The following PHC3 variants were observed in gnomAD, a reference collection of about 807,000 sequenced individuals.
The protein encoded by PHC3 is polyhomeotic-like protein 3.
Under a neutral mutation model 107.4 loss-of-function variants are expected in PHC3, and 13 were observed. The observed-to-expected ratio is 0.12, with a 90% CI of 0.08 to 0.19. PHC3 has a LOEUF of 0.19. Among genes scored for constraint, PHC3 ranks in the 10% least tolerant of loss-of-function variants. The probability of loss-of-function intolerance (pLI) is 1.00; values close to 1 mark genes in which losing one functional copy is unlikely to be tolerated. For synonymous variants in PHC3, 456 were observed against 427.4 expected (o/e 1.07, Z -0.83); for missense variants, 992 against 1,210.9 (o/e 0.82, Z 2.68).
chr3:170,174,301 T>C (rs1486697159), intron 2 of PHC3, among the ~76,000 whole-genome samples: 1 of 152,174 alleles, frequency 6.6e-6, no homozygotes. Context: ...AAATACCTTG[T>C]TTTGCTTCAA....
chr3:170,169,922 C>T (rs997547131), intron 4 of PHC3: 13 of 152,156 alleles, frequency 8.5e-5, no homozygotes, highest in Admixed American at 4.6e-4. Context: ...ATGACAAAAA[C>T]TCCAGTATTA....
chr3:170,179,050 T>A (rs1730978250), intron 1 of PHC3, 112 bp from the exon 2 acceptor site: 2 of 1,030,326 alleles, frequency 1.9e-6, no homozygotes, highest in African/African-American at 3.2e-5. Flanking sequence ...AGGAAGGCTC[T>A]CATAAAAGAC....
chr3:170,113,462 T>C lies in PHC3; in HGVS notation c.2251A>G (p.Asn751Asp). 1.2e-6 allele frequency: 2 copies of C among 1,612,924 alleles called. No homozygotes were observed. Among genetic ancestry groups the C allele is most frequent in the Non-Finnish European group, 1.7e-6 (2 of 1,179,376 alleles). Residue 751 changes from asparagine to aspartate, a missense_variant, in exon 11 of 15, where the codon AAT becomes GAT. Physicochemically the swap from Asn to Asp is conservative, Grantham distance 23. Coordinates refer to ENST00000495893, the MANE Select transcript of PHC3 (RefSeq NM_024947.4). ...ACACACACTGAATTTATCACCTGAT[T>C]ATCCAAAAGAGGCCGTTTTTTCACA... ...QPVKKRPLLD[N>D]QVINSVCVQP...
At chr3:170,117,189 A>C in intron 10 of PHC3, 37 bp downstream of exon 10, 1 of 1,612,532 alleles carries the variant, frequency 6.2e-7, no homozygotes, top group Non-Finnish European at 8.5e-7. Context: ...ATGTTATATA[A>C]ATTACAAACA....
intron 9 of PHC3, among the ~76,000 whole-genome samples, chr3:170,119,564 T>C (rs553200491): frequency 7.2e-5 from 11 of 152,266 alleles, no homozygotes; most frequent in Non-Finnish European, 1.3e-4. Context: ...CACTCATGTA[T>C]TACAATAGAA....
intron 14 of PHC3, among the ~76,000 whole-genome samples, chr3:170,098,884 T>C (rs761928729): frequency 2.6e-5 from 4 of 152,162 alleles, no homozygotes; most frequent in Non-Finnish European, 5.9e-5. Flanking sequence ...ATAGTTGAAA[T>C]GGGATTACTC....
intron 8 of PHC3, among the ~76,000 whole-genome samples, chr3:170,124,399 T>TTGAGAAAGGG (rs1442465584): frequency 6.6e-6 from 1 of 152,180 alleles, no homozygotes; most frequent in Non-Finnish European, 1.5e-5. Context: ...AAAGTGTTTT[T>TTGAGAAAGGG]TGAGAAAGGG....
intron 2 of PHC3, among the ~76,000 whole-genome samples, chr3:170,177,795 T>G (rs1295641936): frequency 2.7e-5 from 4 of 150,880 alleles, no homozygotes; most frequent in Non-Finnish European, 4.4e-5. Flanking sequence ...CTCAGCCTCC[T>G]GAGTAGCTGG....
intron 11 of PHC3, among the ~76,000 whole-genome samples, chr3:170,109,797 G>C (rs1055331530): frequency 1.3e-5 from 2 of 152,050 alleles, no homozygotes; most frequent in African/African-American, 4.8e-5. Context: ...GAGAACCACA[G>C]TTTATCCTTT....
intron 8 of PHC3, among the ~76,000 whole-genome samples, chr3:170,124,687 AC>A (rs1355602388): frequency 3.3e-5 from 5 of 152,212 alleles, no homozygotes; most frequent in Non-Finnish European, 7.3e-5. Flanking sequence ...TAACAAACAA[AC>A]TTTCAACATT....
At position 170,094,734 on chromosome 3, in the gene PHC3, T is replaced by C. The variant is rs1034013622; in HGVS notation, c.*2496A>G. 2 of 152,192 alleles carry C rather than the reference T, an allele frequency of 1.3e-5. No homozygotes were observed. The highest frequency in any genetic ancestry group is 2.9e-5 in the Non-Finnish European group (2 of 68,018). The allele number at this position is 152,192 out of a possible 1,614,324, so 9.4% of individuals were successfully genotyped here. ...ACTTGAAAAAAGCAAGTGCATATTT[T>C]GTGTATGTTTTGAGTGGGGACAACA... On this transcript the variant is annotated 3_prime_UTR_variant, in exon 15 of 15. Coordinates refer to ENST00000495893, the MANE Select transcript of PHC3 (RefSeq NM_024947.4).
intron 10 of PHC3, among the ~76,000 whole-genome samples, chr3:170,115,348 TTATA>T (rs1425851843): frequency 1.3e-5 from 2 of 151,950 alleles, no homozygotes; most frequent in South Asian, 2.1e-4. Flanking sequence ...ATAATCTTGA[TTATA>T]TGTATGTATC....
At position 170,178,957 on chromosome 3, in the gene PHC3, T is replaced by C. The variant is rs778949074; in HGVS notation, c.15-19A>G. ...CTTAAATCTGGCAGGTCACACAAAG[T>C]GTTTGTATTGGTAAAAGCATTATCT... On this transcript the variant is annotated intron_variant, in intron 1 of 14. Coordinates refer to ENST00000495893, the MANE Select transcript of PHC3 (RefSeq NM_024947.4). 3.8e-6 allele frequency: 6 copies of C among 1,599,586 alleles called. No individual in the cohort carries two copies. Among genetic ancestry groups the C allele is most frequent in the Non-Finnish European group, 5.1e-6 (6 of 1,170,074 alleles).
chr3:170,152,822 G>A (rs367806224), intron 4 of PHC3, among the ~76,000 whole-genome samples: 17 of 151,630 alleles, frequency 1.1e-4, no homozygotes, highest in African/African-American at 3.6e-4. Flanking sequence ...CACCACACCC[G>A]GCTAATCTTT....
intron 4 of PHC3, chr3:170,150,033 A>G (rs1160172361): frequency 6.6e-6 from 1 of 152,204 alleles, no homozygotes; most frequent in Non-Finnish European, 1.5e-5. Context: ...CTCTGATTTG[A>G]TCACTATACA....
At chr3:170,116,612 A>G (rs994768813) in intron 10 of PHC3, among the ~76,000 whole-genome samples, 2 of 152,008 alleles carry the variant, frequency 1.3e-5, no homozygotes, top group Admixed American at 6.6e-5. Flanking sequence ...AGTACACTTC[A>G]GCTGTCATTT....
At chr3:170,113,580 T>C (rs1322160862) in intron 10 of PHC3, 61 bp from the exon 11 acceptor site, 3 of 1,493,454 alleles carry the variant, frequency 2.0e-6, no homozygotes, top group East Asian at 4.6e-5. Flanking sequence ...AGAAATACTT[T>C]GGTTTAAAAA....
chr3:170,132,072 A>G (rs985189291), intron 7 of PHC3, among the ~76,000 whole-genome samples: 8 of 152,126 alleles, frequency 5.3e-5, no homozygotes, highest in African/African-American at 1.9e-4. Context: ...GAAAAGACCT[A>G]GTGCTCTGGG....
At chr3:170,158,265 A>G (rs1280855003) in intron 4 of PHC3, among the ~76,000 whole-genome samples, 1 of 152,214 alleles carries the variant, frequency 6.6e-6, no homozygotes, top group Non-Finnish European at 1.5e-5. Context: ...TAAATATTCA[A>G]TGTGATCCTT....
Sources: gnomAD v4.1 joint callset for allele counts (sites outside exome capture counted in the v4.1 genomes callset) on GRCh38, gnomAD v4.1.1 for gene constraint, MANE v1.5 for transcripts, NCBI Gene and HGNC (gene_info 2026-07-23, HGNC 2026-07-21) for gene names.